The following SLC2A5 variants were observed in gnomAD, a reference collection of about 807,000 sequenced individuals.
SLC2A5 encodes solute carrier family 2, facilitated glucose transporter member 5.
In SLC2A5, 56 loss-of-function variants were observed where a neutral mutation model predicts 50.3. The observed-to-expected ratio is 1.11, with a 90% CI of 0.90 to 1.39. SLC2A5 has a LOEUF of 1.39. Among genes scored for constraint, SLC2A5 ranks in the 40% most tolerant of loss-of-function variants. The pLI, the probability that SLC2A5 is intolerant of heterozygous loss-of-function variation, is 0.00. For synonymous variants in SLC2A5, 269 were observed against 281.9 expected (o/e 0.95, Z 0.46); for missense variants, 566 against 650.1 (o/e 0.87, Z 1.41).
rs775114554 is a variant in SLC2A5 at position 9,058,255 on chromosome 1, A to G, written c.34-5T>C. The G allele has an allele frequency of 6.2e-7, 1 of 1,610,936 alleles. No individual in the cohort carries two copies. The highest frequency in any genetic ancestry group is 2.2e-5 in the East Asian group (1 of 44,856). The stretch of plus-strand genomic sequence containing the variant: ...GGCAAGCACAAGCGTCAGCCTCTGC[A>G]GAGATCACAGCTTAGGTCAGGAAGC... On this transcript the variant is annotated splice_polypyrimidine_tract_variant and splice_region_variant and intron_variant, in intron 1 of 11. Coordinates refer to ENST00000377424, the MANE Select transcript of SLC2A5 (RefSeq NM_003039.3).
In SLC2A5 at chr1:9,041,836, T is replaced by C. The variant is rs768657076; in HGVS notation, c.520A>G (p.Ile174Val). 6.2e-7 allele frequency: 1 copy of C among 1,613,934 alleles called. No individual in the cohort carries two copies. The highest frequency in any genetic ancestry group is 2.2e-5 in the East Asian group (1 of 44,870). The change falls in exon 5 of 12, where the codon ATC becomes GTC. Residue 174 changes from isoleucine (I) to valine (V), a missense_variant. By Grantham distance (29) the Ile-to-Val change is conservative. Coordinates refer to ENST00000377424, the MANE Select transcript of SLC2A5 (RefSeq NM_003039.3). ...AGACCAAAGATCTGGGCCACAAGGA[T>C]GCCAACAGTGATGAAGAGCTGGGGC... ...VVPQLFITVGILVAQIFGLRN... is the reference protein window; with the variant it reads ...VVPQLFITVGVLVAQIFGLRN...
intron 2 of SLC2A5, among the ~76,000 whole-genome samples, chr1:9,078,895 C>T (rs1642321510): frequency 6.6e-6 from 1 of 152,198 alleles, no homozygotes; most frequent in Admixed American, 6.5e-5. Context: ...AGGAAGGAAT[C>T]ATTAACAGAT....
intron 2 of SLC2A5, among the ~76,000 whole-genome samples, 181 bp downstream of exon 2, chr1:9,057,971 G>A (rs1641806369): frequency 6.6e-6 from 1 of 152,176 alleles, no homozygotes. Flanking sequence ...ATCCAGACCT[G>A]GCCCATCCCA....
rs1641237833 is a variant in SLC2A5, at chr1:9,039,595, G to A, written c.953C>T (p.Thr318Met). Residue 318 changes from threonine (T) to methionine (M), a missense_variant, in exon 8 of 12, where the codon ACG becomes ATG. Coordinates refer to ENST00000377424, the MANE Select transcript of SLC2A5 (RefSeq NM_003039.3). ...CACGTTCACGGCCCCGGTGCCGGCC[G>A]TCACGTACTGCACGTGCTCCTCCGG... ...GVPEEHVQYVTAGTGAVNVVM... is the reference protein window; with the variant it reads ...GVPEEHVQYVMAGTGAVNVVM... 1 of 1,575,950 alleles carries A rather than the reference G, an allele frequency of 6.3e-7. No individual in the cohort carries two copies. The highest frequency in any genetic ancestry group is 8.6e-7 in the Non-Finnish European group (1 of 1,161,768).
chr1:9,093,453 C>T (rs1046830245), upstream of SLC2A5, among the ~76,000 whole-genome samples: 19 of 152,224 alleles, frequency 1.2e-4, no homozygotes, highest in African/African-American at 4.3e-4. Context: ...GCACATAAGC[C>T]GCTTATGTCT....
At chr1:9,066,049 A>G (rs971224100) in intron 1 of SLC2A5, among the ~76,000 whole-genome samples, 2 of 152,072 alleles carry the variant, frequency 1.3e-5, no homozygotes, top group African/African-American at 4.8e-5. Context: ...GGTGTTACAA[A>G]TGGGTTAATT....
At chr1:9,093,136 G>T (rs1264355573), upstream of SLC2A5, among the ~76,000 whole-genome samples, 1 of 151,856 alleles carries the variant, frequency 6.6e-6, no homozygotes, top group Non-Finnish European at 1.5e-5. Context: ...ACAACCCATC[G>T]CCAACTCCTT....
chr1:9,074,833 G>A (rs1642262474), intron 2 of SLC2A5, among the ~76,000 whole-genome samples: 1 of 152,014 alleles, frequency 6.6e-6, no homozygotes, highest in Middle Eastern at 3.2e-3. Flanking sequence ...AGACCAGCCT[G>A]GGCAACACAG....
rs981057468 is a variant in SLC2A5 at position 9,069,590 on chromosome 1, G to A, written c.-54C>T. The A allele has an allele frequency of 6.2e-6, 10 of 1,601,028 alleles. No individual in the cohort carries two copies. The highest frequency in any genetic ancestry group is 4.5e-5 in the East Asian group (2 of 44,840). On this transcript the variant is annotated 5_prime_UTR_variant, in exon 1 of 12. The change creates a new upstream start codon in the 5' untranslated region. Transcript: ENST00000377424. The stretch of plus-strand genomic sequence containing the variant: ...CACCTCCTTTTAGCCAAAGTAACGC[G>A]TGCACTGAATGGAGAGAGAAGACAT...
intron 2 of SLC2A5, among the ~76,000 whole-genome samples, chr1:9,079,022 C>A (rs1355772796): frequency 6.6e-6 from 1 of 152,122 alleles, no homozygotes; most frequent in African/African-American, 2.4e-5. Context: ...ACCTCCCAAC[C>A]CCAGTGCCCA....
Position 9,063,681 on chromosome 1 carries a change from C to CTTTTT in SLC2A5, c.34-5436_34-5432dup, listed in dbSNP as rs70985579. ...AGCCAACACATCAGGCTATTATTTA[C>CTTTTT]TTTTTTTTTTTTTTTTTTTTTTTTT... On this transcript the variant is annotated intron_variant, in intron 1 of 11. Coordinates refer to ENST00000377424, the MANE Select transcript of SLC2A5 (RefSeq NM_003039.3). Among the ~76,000 whole-genome samples the CTTTTT allele has an allele frequency of 1.4e-3, 64 of 45,174 alleles. 8 individuals are homozygous for CTTTTT. The highest frequency in any genetic ancestry group is 5.8e-3 in the African/African-American group (53 of 9,100). The allele number at this position is 45,174 out of a possible 152,430, so 29.6% of individuals were successfully genotyped here.
chr1:9,049,199 G>A (rs541056292), intron 3 of SLC2A5: 23 of 456,222 alleles, frequency 5.0e-5, no homozygotes, highest in Admixed American at 9.4e-5. Flanking sequence ...AGCTGTCAGC[G>A]AGTGGAGCTC....
intron 2 of SLC2A5, among the ~76,000 whole-genome samples, chr1:9,083,874 G>T (rs1003612793): frequency 7.2e-5 from 11 of 152,000 alleles, no homozygotes; most frequent in African/African-American, 2.7e-4. Flanking sequence ...GCCAGGCACG[G>T]TGGCTCACGC....
At chr1:9,045,446 G>T (rs1216920338) in intron 4 of SLC2A5, among the ~76,000 whole-genome samples, 2 of 152,084 alleles carry the variant, frequency 1.3e-5, no homozygotes, top group Non-Finnish European at 1.5e-5. Context: ...TTATCTATTG[G>T]AGCCTAATAT....
At chr1:9,038,650 G>T in intron 9 of SLC2A5, 144 bp from the exon 10 acceptor site, 1 of 1,242,502 alleles carries the variant, frequency 8.0e-7, no homozygotes, top group Non-Finnish European at 1.1e-6. Context: ...TGGGAAATCA[G>T]CTGAACGTGG....
In SLC2A5 at chr1:9,035,716, C is replaced by G. The variant is rs1641121797; in HGVS notation, c.*1870G>C. 1 of 152,168 alleles carries G rather than the reference C, an allele frequency of 6.6e-6. No individual in the cohort carries two copies. The highest frequency in any genetic ancestry group is 6.5e-5 in the Admixed American group (1 of 15,282). 9.4% of individuals were successfully genotyped at this position (152,168 alleles called of 1,614,324 possible). A position where few individuals can be genotyped will look rare whatever the true frequency, so the allele number is the denominator to read the frequency against. ...TTTTTGGGGAGAGACCTGTGTTAGA[C>G]CATTTTCATGCTGCTGATAAAGATG... On this transcript the variant is annotated 3_prime_UTR_variant, in exon 12 of 12. Transcript: ENST00000377424.
intron 5 of SLC2A5, 183 bp downstream of exon 5, chr1:9,041,602 C>T (rs1003271884): frequency 9.0e-6 from 13 of 1,448,490 alleles, no homozygotes; most frequent in South Asian, 3.1e-5. Flanking sequence ...TCCCTTATCG[C>T]GCCTTTGTCC....
chr1:9,041,352 G>A, intron 5 of SLC2A5: 1 of 707,244 alleles, frequency 1.4e-6, no homozygotes, highest in Non-Finnish European at 2.0e-6. Flanking sequence ...CTCACTCCTG[G>A]TACTTCTCTT....
intron 9 of SLC2A5, 55 bp from the exon 10 acceptor site, chr1:9,038,561 C>T: frequency 6.7e-7 from 1 of 1,494,190 alleles, no homozygotes. Context: ...GACGGGACCC[C>T]AGGGGGCGGC....
Sources: gnomAD v4.1 joint callset for allele counts (sites outside exome capture counted in the v4.1 genomes callset) on GRCh38, gnomAD v4.1.1 for gene constraint, MANE v1.5 for transcripts, NCBI Gene and HGNC (gene_info 2026-07-23, HGNC 2026-07-21) for gene names.